The following HEMK2 variants were observed in gnomAD, a reference collection of about 807,000 sequenced individuals.
The protein encoded by HEMK2 is methyltransferase HEMK2.
the HEMK2 span, among the ~76,000 whole-genome samples, chr21:28,884,269 T>C: frequency 8.5e-5 from 13 of 152,362 alleles, no homozygotes; most frequent in African/African-American, 3.1e-4. Flanking sequence ...AAAACAGTAC[T>C]GTTCCACTGT....
chr21:28,701,463 T>C, the HEMK2 span, among the ~76,000 whole-genome samples: 1 of 151,872 alleles, frequency 6.6e-6, no homozygotes, highest in African/African-American at 2.4e-5. Flanking sequence ...ACAAAATTAA[T>C]GTACAAAAAT....
At chr21:28,654,826 A>G in the HEMK2 span, among the ~76,000 whole-genome samples, 1 of 152,114 alleles carries the variant, frequency 6.6e-6, no homozygotes, top group Non-Finnish European at 1.5e-5. Context: ...ATACCTAAAA[A>G]CAGAGGTTTG....
chr21:28,849,707 C>T, the HEMK2 span, among the ~76,000 whole-genome samples: 2 of 152,162 alleles, frequency 1.3e-5, no homozygotes, highest in Non-Finnish European at 2.9e-5. Context: ...GAAAAACTCA[C>T]TTCAAGAATG....
At chr21:28,669,775 T>C in the HEMK2 span, among the ~76,000 whole-genome samples, 2 of 152,140 alleles carry the variant, frequency 1.3e-5, no homozygotes, top group Non-Finnish European at 2.9e-5. Context: ...AAAAACTGAT[T>C]GCAATTTTGA....
the HEMK2 span, among the ~76,000 whole-genome samples, chr21:28,826,195 CT>C: frequency 6.6e-6 from 1 of 152,306 alleles, no homozygotes; most frequent in South Asian, 2.1e-4. Flanking sequence ...CTCTCACTGC[CT>C]TTTGACAGTC....
chr21:28,848,740 T>C, the HEMK2 span, among the ~76,000 whole-genome samples: 2 of 152,182 alleles, frequency 1.3e-5, no homozygotes, highest in Admixed American at 1.3e-4. Context: ...TTCCTAATAT[T>C]CAACAACTGA....
chr21:28,808,965 A>T, the HEMK2 span, among the ~76,000 whole-genome samples: 2 of 152,192 alleles, frequency 1.3e-5, no homozygotes, highest in Non-Finnish European at 2.9e-5. Flanking sequence ...CAACAGATTA[A>T]AACTGTCATT....
the HEMK2 span, among the ~76,000 whole-genome samples, chr21:28,728,630 G>A: frequency 3.3e-5 from 5 of 152,192 alleles, no homozygotes; most frequent in Non-Finnish European, 7.3e-5. Flanking sequence ...CAATCCAAAT[G>A]TCATGGGCCA....
chr21:28,851,519 TGCA>T, the HEMK2 span, among the ~76,000 whole-genome samples: 1 of 152,204 alleles, frequency 6.6e-6, no homozygotes, highest in Non-Finnish European at 1.5e-5. Context: ...AGGGGCCAAA[TGCA>T]GCAACTTATC....
At chr21:28,850,455 A>C in the HEMK2 span, among the ~76,000 whole-genome samples, 1 of 151,946 alleles carries the variant, frequency 6.6e-6, no homozygotes, top group African/African-American at 2.4e-5. Flanking sequence ...CGATCTCCTG[A>C]CCTCGTGATC....
At chr21:28,726,159 A>C in the HEMK2 span, among the ~76,000 whole-genome samples, 2,505 of 152,302 alleles carry the variant, frequency 0.016, 88 homozygotes, top group African/African-American at 0.058. Flanking sequence ...AACATAATTC[A>C]CCACAGAAAA....
the HEMK2 span, among the ~76,000 whole-genome samples, chr21:28,675,106 A>G: frequency 1.8e-4 from 27 of 152,360 alleles, no homozygotes; most frequent in Non-Finnish European, 3.7e-4. Context: ...ACTTATGCTT[A>G]CTGTGTGATT....
the HEMK2 span, among the ~76,000 whole-genome samples, chr21:28,706,195 C>A: frequency 1.3e-5 from 2 of 152,202 alleles, no homozygotes; most frequent in African/African-American, 4.8e-5. Context: ...CGTAAGAAAT[C>A]TCAAACCTGT....
the HEMK2 span, among the ~76,000 whole-genome samples, chr21:28,588,051 C>T: frequency 0.82 from 124,530 of 151,808 alleles, 52,053 homozygotes; most frequent in Non-Finnish European, 0.9. Context: ...CCCCAGTGAG[C>T]GTCTGAAACT....
At chr21:28,757,961 T>C in the HEMK2 span, among the ~76,000 whole-genome samples, 1 of 152,196 alleles carries the variant, frequency 6.6e-6, no homozygotes, top group Non-Finnish European at 1.5e-5. Context: ...AAGATCTCAA[T>C]TGCTTTCAAT....
At chr21:28,612,012 C>G in the HEMK2 span, among the ~76,000 whole-genome samples, 1,494 of 151,252 alleles carry the variant, frequency 9.9e-3, 31 homozygotes, top group African/African-American at 0.034. Flanking sequence ...AGAATTGGTA[C>G]CAATCTTATT....
At chr21:28,880,307 T>C in the HEMK2 span, among the ~76,000 whole-genome samples, 888 of 152,290 alleles carry the variant, frequency 5.8e-3, 14 homozygotes, top group African/African-American at 0.02. Context: ...ATGCTAACAT[T>C]TTCACAATTT....
chr21:28,780,077 C>A, the HEMK2 span, among the ~76,000 whole-genome samples: 4 of 152,276 alleles, frequency 2.6e-5, no homozygotes, highest in African/African-American at 9.6e-5. Flanking sequence ...GACTGGATTC[C>A]CATTGCAAAC....
chr21:28,752,990 C>A, the HEMK2 span, among the ~76,000 whole-genome samples: 2 of 152,122 alleles, frequency 1.3e-5, no homozygotes, highest in Non-Finnish European at 2.9e-5. Flanking sequence ...CTTCTTACCC[C>A]TGAAGAACCA....
Sources: allele counts gnomAD v4.1 joint callset (sites outside exome capture counted in the v4.1 genomes callset), GRCh38; gene constraint gnomAD v4.1.1; transcripts MANE v1.5; gene names NCBI Gene and HGNC (gene_info 2026-07-23, HGNC 2026-07-21).